Variants in VPS13B observed in about 807,000 individuals in gnomAD.
VPS13B encodes the protein vacuolar protein sorting 13 homolog B, also known as intermembrane lipid transfer protein VPS13B.
A neutral mutation model predicts 426.4 loss-of-function variants in VPS13B; 285 were observed. That is an observed-to-expected ratio of 0.67 (90% CI 0.61 to 0.74). The LOEUF is 0.74. Ranked by LOEUF, VPS13B falls within the 30% of genes least tolerant of loss-of-function variation. The pLI is 0.00. For synonymous variants in VPS13B, 1,676 were observed against 1,676.4 expected (o/e 1.00, Z 0.01); for missense variants, 4,537 against 4,782.6 (o/e 0.95, Z 1.51).
At chr8:99,744,020 C>T (rs1809924501) in intron 39 of VPS13B, among the ~76,000 whole-genome samples, 1 of 152,104 alleles carries the variant, frequency 6.6e-6, no homozygotes, top group Admixed American at 6.6e-5. Context: ...AAAGAAACTA[C>T]CATCAGAGTG....
chr8:99,787,821 T>A (rs887789497), intron 43 of VPS13B, among the ~76,000 whole-genome samples: 3 of 152,118 alleles, frequency 2.0e-5, no homozygotes, highest in Non-Finnish European at 4.4e-5. Context: ...CTGCTTGGAA[T>A]AGTATTGCCT....
At chr8:99,360,237 TCTC>T (rs1812479186) in intron 19 of VPS13B, among the ~76,000 whole-genome samples, 2 of 97,564 alleles carry the variant, frequency 2.0e-5, no homozygotes, top group African/African-American at 8.4e-5. Context: ...TTTCTTTCTC[TCTC>T]TCCTTCCTTC....
chr8:99,500,898 C>A (rs1262212944), intron 25 of VPS13B, among the ~76,000 whole-genome samples: 1 of 152,122 alleles, frequency 6.6e-6, no homozygotes, highest in Non-Finnish European at 1.5e-5. Context: ...CTAAAAGCTG[C>A]TGAAAAGACC....
At chr8:99,570,612 A>C (rs1017428821) in intron 31 of VPS13B, among the ~76,000 whole-genome samples, 8 of 152,060 alleles carry the variant, frequency 5.3e-5, no homozygotes, top group Non-Finnish European at 8.8e-5. Flanking sequence ...ATTTTAAGCA[A>C]AATTTTTATT....
intron 43 of VPS13B, among the ~76,000 whole-genome samples, chr8:99,799,809 A>G (rs1285656141): frequency 6.6e-6 from 1 of 152,204 alleles, no homozygotes; most frequent in East Asian, 1.9e-4. Context: ...TTTTTATTCA[A>G]ACTTTAGGTA....
intron 3 of VPS13B, among the ~76,000 whole-genome samples, chr8:99,078,207 G>A (rs146123500): frequency 3.4e-4 from 51 of 150,434 alleles, no homozygotes; most frequent in African/African-American, 1.1e-3. Context: ...TTGCTTTGGA[G>A]GTGTCATGTT....
intron 31 of VPS13B, among the ~76,000 whole-genome samples, chr8:99,567,160 T>C (rs1050797635): frequency 2.0e-5 from 3 of 152,202 alleles, no homozygotes; most frequent in Non-Finnish European, 4.4e-5. Context: ...TAATGTTCTC[T>C]TCTCTGAGAA....
At chr8:99,247,680 A>T (rs1426609867) in intron 17 of VPS13B, among the ~76,000 whole-genome samples, 1 of 152,346 alleles carries the variant, frequency 6.6e-6, no homozygotes, top group East Asian at 1.9e-4. Context: ...TATCAACTAC[A>T]TAAATTTTGT....
intron 33 of VPS13B, among the ~76,000 whole-genome samples, chr8:99,594,536 T>A (rs1826892605): frequency 6.6e-6 from 1 of 151,994 alleles, no homozygotes; most frequent in Admixed American, 6.6e-5. Flanking sequence ...AAGATCCTTC[T>A]CCTGTTTGCT....
At chr8:99,750,788 T>C (rs1347164249) in intron 39 of VPS13B, among the ~76,000 whole-genome samples, 1 of 152,118 alleles carries the variant, frequency 6.6e-6, no homozygotes, top group Non-Finnish European at 1.5e-5. Flanking sequence ...ACATGGGGTG[T>C]TTTGGGAATT....
At chr8:99,081,426 A>G (rs1438374839) in intron 3 of VPS13B, among the ~76,000 whole-genome samples, 1 of 152,056 alleles carries the variant, frequency 6.6e-6, no homozygotes, top group East Asian at 1.9e-4. Flanking sequence ...AGCTTCAAAG[A>G]TTACTTTTTT....
intron 28 of VPS13B, among the ~76,000 whole-genome samples, chr8:99,508,999 C>T (rs1377198566): frequency 6.6e-6 from 1 of 151,958 alleles, no homozygotes; most frequent in Non-Finnish European, 1.5e-5. Flanking sequence ...AACATTTATA[C>T]ATTGAAATAC....
intron 24 of VPS13B, among the ~76,000 whole-genome samples, chr8:99,474,263 A>G (rs1469000124): frequency 7.0e-6 from 1 of 142,474 alleles, no homozygotes; most frequent in African/African-American, 2.7e-5. Context: ...ATCTCGGCTC[A>G]CTGCAACCTC....
intron 21 of VPS13B, among the ~76,000 whole-genome samples, chr8:99,405,176 AT>A (rs201275704): frequency 4.6e-5 from 7 of 150,716 alleles, no homozygotes; most frequent in African/African-American, 9.8e-5. Flanking sequence ...TACCAGTCTT[AT>A]TTTTTTTTCT....
chr8:99,074,907 G>A (rs1845038715), intron 3 of VPS13B, among the ~76,000 whole-genome samples: 1 of 152,160 alleles, frequency 6.6e-6, no homozygotes, highest in African/African-American at 2.4e-5. Flanking sequence ...AAAGTGCTGG[G>A]ATTATAGGTG....
At chr8:99,074,121 A>C (rs991871939) in intron 3 of VPS13B, among the ~76,000 whole-genome samples, 1 of 152,098 alleles carries the variant, frequency 6.6e-6, no homozygotes, top group Non-Finnish European at 1.5e-5. Context: ...GTGTTGAGTA[A>C]GAATGGTGAA....
At chr8:99,528,966 T>C (rs997041221) in intron 30 of VPS13B, among the ~76,000 whole-genome samples, 16 of 152,038 alleles carry the variant, frequency 1.1e-4, no homozygotes, top group Admixed American at 6.6e-4. Flanking sequence ...TAGCTTATGA[T>C]TTAGTCTTCT....
At chr8:99,722,632 G>A (rs971527011) in intron 39 of VPS13B, among the ~76,000 whole-genome samples, 5 of 151,292 alleles carry the variant, frequency 3.3e-5, no homozygotes, top group Admixed American at 6.6e-5. Flanking sequence ...TCAGCCTCCC[G>A]AGTAGATGGG....
intron 19 of VPS13B, among the ~76,000 whole-genome samples, chr8:99,301,569 C>G (rs1396102335): frequency 6.6e-6 from 1 of 151,882 alleles, no homozygotes; most frequent in African/African-American, 2.4e-5. Flanking sequence ...GGATTACAGG[C>G]GTGAGCCACT....
Sources: gnomAD v4.1 joint callset for allele counts (sites outside exome capture counted in the v4.1 genomes callset) on GRCh38, gnomAD v4.1.1 for gene constraint, MANE v1.5 for transcripts, NCBI Gene and HGNC (gene_info 2026-07-23, HGNC 2026-07-21) for gene names.